TNRC6A: variants seen among roughly 807,000 people sequenced by gnomAD.
The protein encoded by TNRC6A is trinucleotide repeat containing adaptor 6A.
Under a neutral mutation model 221.2 loss-of-function variants are expected in TNRC6A, and 44 were observed. The ratio of observed to expected loss-of-function variants is 0.20; its 90% CI spans 0.16 to 0.26. TNRC6A has a LOEUF of 0.26. Among genes scored for constraint, TNRC6A ranks in the 10% least tolerant of loss-of-function variants. TNRC6A has a pLI of 1.00. For synonymous variants in TNRC6A, 847 were observed against 838.5 expected, an observed-to-expected ratio of 1.01 and a Z score of -0.18; for missense variants, 2,199 against 2,404.4, an observed-to-expected ratio of 0.91 and a Z score of 1.79.
At chr16:24,718,770 C>A (rs912090660) in intron 2 of TNRC6A, among the ~76,000 whole-genome samples, 6 of 152,094 alleles carry the variant, frequency 3.9e-5, no homozygotes, top group African/African-American at 1.4e-4. Context: ...GGTGCAGTAG[C>A]TCACACCTGT....
At chr16:24,620,148 A>G (rs555325007) in intron 1 of TNRC6A, among the ~76,000 whole-genome samples, 11 of 152,204 alleles carry the variant, frequency 7.2e-5, no homozygotes, top group East Asian at 1.9e-4. Flanking sequence ...TTTCAAAAAA[A>G]AAAAGAACTA....
upstream of TNRC6A, among the ~76,000 whole-genome samples, chr16:24,725,392 C>T (rs117749609): frequency 0.05 from 7,613 of 152,032 alleles, 291 homozygotes; most frequent in Middle Eastern, 0.078. Context: ...AGGCTAGTCT[C>T]GAACTCCTGA....
chr16:24,703,639 G>A (rs1174533497), intron 2 of TNRC6A, among the ~76,000 whole-genome samples: 1 of 152,116 alleles, frequency 6.6e-6, no homozygotes, highest in East Asian at 1.9e-4. Flanking sequence ...ATTCATTGAT[G>A]GACATTTGAG....
At chr16:24,703,190 C>T (rs2056024252) in intron 2 of TNRC6A, among the ~76,000 whole-genome samples, 1 of 151,820 alleles carries the variant, frequency 6.6e-6, no homozygotes, top group South Asian at 2.1e-4. Context: ...TTAACTATCA[C>T]CCCCATCTCC....
intron 4 of TNRC6A, among the ~76,000 whole-genome samples, chr16:24,765,135 A>G (rs2057446127): frequency 6.6e-6 from 1 of 152,076 alleles, no homozygotes; most frequent in African/African-American, 2.4e-5. Context: ...TCCAGTTTTA[A>G]TTTTTGTGGG....
chr16:24,777,383 A>ACT, intron 5 of TNRC6A, 25 bp downstream of exon 5: 1 of 1,589,612 alleles, frequency 6.3e-7, no homozygotes, highest in South Asian at 1.1e-5. Flanking sequence ...TTCTTACGAG[A>ACT]CTCACACCTT....
At chr16:24,664,590 A>T (rs1480912041) in intron 2 of TNRC6A, among the ~76,000 whole-genome samples, 4 of 143,982 alleles carry the variant, frequency 2.8e-5, no homozygotes, top group African/African-American at 7.5e-5. Context: ...TAAATATTTT[A>T]AATATATTTA....
In TNRC6A at chr16:24,793,486, CTGGGGGG is replaced by C; in HGVS notation, c.3190_3196del (p.Trp1064SerfsTer20). 1 of 1,495,796 alleles carries C rather than the reference CTGGGGGG, an allele frequency of 6.7e-7. No homozygotes were observed. Among genetic ancestry groups the C allele is most frequent in the South Asian group, 1.5e-5 (1 of 67,892 alleles). The allele number at this position is 1,495,796 out of a possible 1,614,324, so 92.7% of individuals were successfully genotyped here. ...CACTTTCTAAAGGCTGGGGTGAGCC[CTGGGGGG>C]AGCCTTCTACTCCAGCCACAACTGT... On this transcript the variant is annotated frameshift_variant, in exon 7 of 25. Transcript: ENST00000395799. LOFTEE classifies it high-confidence loss of function.
chr16:24,654,594 C>G (rs774140502), intron 2 of TNRC6A, among the ~76,000 whole-genome samples: 3 of 152,054 alleles, frequency 2.0e-5, no homozygotes, highest in Non-Finnish European at 4.4e-5. Flanking sequence ...TGGCATGCAC[C>G]TGTAGTACCA....
intron 2 of TNRC6A, among the ~76,000 whole-genome samples, chr16:24,669,891 C>T (rs1027649148): frequency 2.1e-5 from 3 of 143,296 alleles, no homozygotes; most frequent in Admixed American, 1.5e-4. Flanking sequence ...AGGCTTAATG[C>T]TATATGCATC....
At chr16:24,817,894 G>A (rs986469307) in intron 20 of TNRC6A, among the ~76,000 whole-genome samples, 1 of 152,178 alleles carries the variant, frequency 6.6e-6, no homozygotes, top group African/African-American at 2.4e-5. Context: ...GGAAGAATCC[G>A]ATGGCTCTGA....
intron 1 of TNRC6A, among the ~76,000 whole-genome samples, chr16:24,636,715 A>C (rs1901652956): frequency 6.6e-6 from 1 of 152,170 alleles, no homozygotes; most frequent in South Asian, 2.1e-4. Flanking sequence ...TAGTAAGATA[A>C]ATTTGACTCA....
intron 2 of TNRC6A, among the ~76,000 whole-genome samples, chr16:24,702,990 G>A (rs1295060018): frequency 3.3e-5 from 5 of 152,058 alleles, no homozygotes; most frequent in South Asian, 2.1e-4. Flanking sequence ...AGCCGAGATC[G>A]CGCCACTGCA....
chr16:24,654,479 C>A (rs527939197), intron 2 of TNRC6A, among the ~76,000 whole-genome samples: 2 of 151,932 alleles, frequency 1.3e-5, no homozygotes, highest in South Asian at 2.1e-4. Context: ...CCAAGGCGGG[C>A]GGATCACCTG....
chr16:24,658,757 A>C (rs913930038), intron 2 of TNRC6A, among the ~76,000 whole-genome samples: 1 of 151,624 alleles, frequency 6.6e-6, no homozygotes, highest in African/African-American at 2.4e-5. Context: ...ACTCACCCCA[A>C]AGAGTTTGCT....
chr16:24,625,989 A>T (rs1430692644), intron 1 of TNRC6A, among the ~76,000 whole-genome samples: 1 of 152,166 alleles, frequency 6.6e-6, no homozygotes, highest in African/African-American at 2.4e-5. Flanking sequence ...TATGGTCTGC[A>T]CTGTACTCTG....
intron 1 of TNRC6A, among the ~76,000 whole-genome samples, chr16:24,634,041 C>T (rs575464325): frequency 6.6e-6 from 1 of 152,096 alleles, no homozygotes; most frequent in Admixed American, 6.6e-5. Flanking sequence ...TTCAGCCCCC[C>T]AAAGTGCTAG....
intron 5 of TNRC6A, among the ~76,000 whole-genome samples, chr16:24,784,469 A>G (rs893649191): frequency 1.3e-5 from 2 of 152,158 alleles, no homozygotes; most frequent in Non-Finnish European, 2.9e-5. Context: ...GACCCCAGGT[A>G]TATGCTACTA....
chr16:24,783,331 G>A (rs1320346247), intron 5 of TNRC6A, among the ~76,000 whole-genome samples: 1 of 152,064 alleles, frequency 6.6e-6, no homozygotes, highest in Non-Finnish European at 1.5e-5. Flanking sequence ...ATTTCACTAT[G>A]TTGGCCAGGC....
Sources: gnomAD v4.1 joint callset for allele counts (sites outside exome capture counted in the v4.1 genomes callset) on GRCh38, gnomAD v4.1.1 for gene constraint, MANE v1.5 for transcripts, NCBI Gene and HGNC (gene_info 2026-07-23, HGNC 2026-07-21) for gene names.